Variants in NR3C2 observed in about 807,000 individuals in gnomAD.
NR3C2 encodes the protein mineralocorticoid receptor.
Under a neutral mutation model 86.4 loss-of-function variants are expected in NR3C2, and 15 were observed. The observed-to-expected ratio is 0.17, with a 90% confidence interval of 0.12 to 0.27. The LOEUF (loss-of-function observed/expected upper bound fraction) is 0.27, where lower values mean the gene tolerates loss of function less well. Ranked by LOEUF, NR3C2 falls within the 10% of genes least tolerant of loss-of-function variation. NR3C2 has a pLI of 1.00. For missense variants in NR3C2, 960 were observed against 1,195.6 expected (o/e 0.80, Z 2.91); for synonymous variants, 458 against 450.5 (o/e 1.02, Z -0.21).
chr4:148,198,679 A>C (rs1736555357), intron 3 of NR3C2, among the ~76,000 whole-genome samples: 1 of 152,088 alleles, frequency 6.6e-6, no homozygotes, highest in Non-Finnish European at 1.5e-5. Flanking sequence ...TAAAGCAAGA[A>C]GCACAAAGCC....
chr4:148,312,646 C>T (rs1385614774), intron 2 of NR3C2, among the ~76,000 whole-genome samples: 1 of 152,152 alleles, frequency 6.6e-6, no homozygotes, highest in African/African-American at 2.4e-5. Context: ...AACTATATCT[C>T]ATTTGACAAG....
chr4:148,155,022 G>GT (rs1472525498), intron 4 of NR3C2, 121 bp from the exon 5 acceptor site: 8 of 797,290 alleles, frequency 1.0e-5, no homozygotes, highest in Non-Finnish European at 1.7e-5. Context: ...GAACATGACC[G>GT]TTTATTCCAC....
rs540370929 is a variant in NR3C2, at chr4:148,154,316, G to A, written c.2365+235C>T. ...TGGGATTACAGGCGTGAGCCACTGC[G>A]CCCAGCCGTATCTGTCATTTTAACA... On this transcript the variant is annotated intron_variant, in intron 5 of 8. Coordinates refer to ENST00000358102, the MANE Select transcript of NR3C2 (RefSeq NM_000901.5). 1.7e-4 allele frequency among the ~76,000 whole-genome samples: 26 copies of A among 152,244 alleles called. No individual in the cohort carries two copies. In the East Asian group the frequency reaches 3.5e-3, roughly 20 times the overall value.
chr4:148,265,361 T>C (rs1740328453), intron 2 of NR3C2, among the ~76,000 whole-genome samples: 1 of 152,146 alleles, frequency 6.6e-6, no homozygotes, highest in Non-Finnish European at 1.5e-5. Context: ...AGAATGGTGC[T>C]TGGGGAGAAG....
chr4:148,435,473 T>A lies in NR3C2; in HGVS notation c.1388A>T (p.Asp463Val), dbSNP rs775953430. ...TCCTGATAGGGAATAATAGTCTTTA[T>A]CATCCATAAAGGAAAAATACGAGCC... The part of the protein sequence containing the change: ...MDGSYFSFMD[D>V]KDYYSLSGIL... Residue 463 changes from aspartate to valine, a missense_variant, in exon 2 of 9, where the codon GAT becomes GTT. By Grantham distance (152) the Asp-to-Val change is radical. Around this residue, in one of 4 missense-constraint regions of NR3C2, gnomAD observed 680 missense variants for 719.0 expected, o/e 0.95. Transcript: ENST00000358102. The A allele has an allele frequency of 1.9e-6, 3 of 1,614,014 alleles. No homozygotes were observed. The South Asian group carries it at 3.3e-5, about 18-fold the overall frequency.
At chr4:148,106,683 A>G (rs1469138773) in intron 8 of NR3C2, among the ~76,000 whole-genome samples, 2 of 152,228 alleles carry the variant, frequency 1.3e-5, no homozygotes, top group African/African-American at 4.8e-5. Flanking sequence ...CCAATGGAAC[A>G]GAACAGAAAC....
intron 2 of NR3C2, among the ~76,000 whole-genome samples, chr4:148,367,137 G>A (rs988070248): frequency 6.6e-6 from 1 of 152,076 alleles, no homozygotes; most frequent in Non-Finnish European, 1.5e-5. Context: ...ACACAAAAAG[G>A]TTTCAGTACC....
chr4:148,207,432 A>T (rs7670108), intron 3 of NR3C2, among the ~76,000 whole-genome samples: 109,255 of 152,058 alleles, frequency 0.72, 39,627 homozygotes, highest in African/African-American at 0.82. Flanking sequence ...GAAGGCTTTA[A>T]ACATATGTTT....
intron 2 of NR3C2, among the ~76,000 whole-genome samples, chr4:148,387,761 T>G (rs1292886937): frequency 2.6e-5 from 4 of 152,212 alleles, no homozygotes; most frequent in Non-Finnish European, 5.9e-5. Flanking sequence ...TCCCAAAGAA[T>G]TTAACAGTGA....
intron 4 of NR3C2, among the ~76,000 whole-genome samples, chr4:148,157,989 A>C (rs1445882438): frequency 6.6e-6 from 1 of 152,242 alleles, no homozygotes; most frequent in Non-Finnish European, 1.5e-5. Flanking sequence ...TGGCTTTAAG[A>C]AGTTTAATAT....
chr4:148,419,750 C>G (rs1230228344), intron 2 of NR3C2, among the ~76,000 whole-genome samples: 2 of 152,162 alleles, frequency 1.3e-5, no homozygotes, highest in African/African-American at 4.8e-5. Context: ...AAGAAACTAT[C>G]AGATCCTTCC....
At chr4:148,246,715 C>T (rs551417152) in intron 3 of NR3C2, among the ~76,000 whole-genome samples, 40 of 152,144 alleles carry the variant, frequency 2.6e-4, no homozygotes, top group Non-Finnish European at 4.6e-4. Context: ...CCACGCCAGG[C>T]TAATTTTTTG....
intron 6 of NR3C2, among the ~76,000 whole-genome samples, chr4:148,136,087 A>AAAAAAAAAAAAAAC (rs1560940053): frequency 1.3e-5 from 1 of 79,254 alleles, no homozygotes; most frequent in African/African-American, 4.4e-5. Context: ...CAAAAAAAAA[A>AAAAAAAAAAAAAAC]AACACCACCA....
chr4:148,364,716 T>C (rs1011395125), intron 2 of NR3C2, among the ~76,000 whole-genome samples: 5 of 152,198 alleles, frequency 3.3e-5, no homozygotes, highest in African/African-American at 7.2e-5. Context: ...TGTGGCACAA[T>C]GTGCCATATG....
At chr4:148,278,132 C>T (rs1303234947) in intron 2 of NR3C2, among the ~76,000 whole-genome samples, 1 of 152,082 alleles carries the variant, frequency 6.6e-6, no homozygotes, top group African/African-American at 2.4e-5. Flanking sequence ...GACAGGTTCT[C>T]GCTCTGTTAC....
intron 4 of NR3C2, among the ~76,000 whole-genome samples, chr4:148,156,352 C>G (rs1379474553): frequency 6.6e-6 from 1 of 151,950 alleles, no homozygotes; most frequent in Non-Finnish European, 1.5e-5. Flanking sequence ...AAAATTTTTG[C>G]AACCTACTCA....
At chr4:148,161,174 G>C (rs1028518755) in intron 4 of NR3C2, among the ~76,000 whole-genome samples, 1 of 151,074 alleles carries the variant, frequency 6.6e-6, no homozygotes, top group African/African-American at 2.4e-5. Context: ...GGTTAAGAAA[G>C]TTGAATACAG....
intron 2 of NR3C2, among the ~76,000 whole-genome samples, chr4:148,356,864 T>G (rs946212807): frequency 1.8e-4 from 26 of 147,400 alleles, no homozygotes; most frequent in Non-Finnish European, 3.2e-4. Flanking sequence ...CATATGCTTA[T>G]ATTTTCAATG....
rs559810982 is a variant in NR3C2 at position 148,253,884 on chromosome 4, G to A, written c.1897+6094C>T. Among the ~76,000 whole-genome samples, 10 of 152,234 alleles carry A rather than the reference G, an allele frequency of 6.6e-5. No individual in the cohort carries two copies. The East Asian group carries it at 1.7e-3, about 26-fold the overall frequency. Reference sequence around the variant, plus strand: ...CCAGCTATGCTTAGAAAGGTACCTGGCATTTAGTAGGTATTGAGTAAATGT... The same window carrying A: ...CCAGCTATGCTTAGAAAGGTACCTGACATTTAGTAGGTATTGAGTAAATGT... On this transcript the variant is annotated intron_variant, in intron 3 of 8. Coordinates refer to ENST00000358102, the MANE Select transcript of NR3C2 (RefSeq NM_000901.5).
Sources: allele counts gnomAD v4.1 joint callset (sites outside exome capture counted in the v4.1 genomes callset), GRCh38; gene constraint gnomAD v4.1.1; regional missense constraint gnomAD v4.1.1; transcripts MANE v1.5; gene names NCBI Gene and HGNC (gene_info 2026-07-23, HGNC 2026-07-21).